The following TANGO6 variants were observed in gnomAD, a reference collection of about 807,000 sequenced individuals.
The protein encoded by TANGO6 is transport and golgi organization 6 homolog.
A neutral mutation model predicts 114.2 loss-of-function variants in TANGO6; 90 were observed. The observed-to-expected ratio is 0.79, with a 90% CI of 0.66 to 0.94. The LOEUF is 0.94. Among genes scored for constraint, TANGO6 ranks in the 40% least tolerant of loss-of-function variants. TANGO6 has a pLI of 0.00. For missense variants in TANGO6, 1,274 were observed against 1,315.3 expected, an observed-to-expected ratio of 0.97 and a Z score of 0.49; for synonymous variants, 477 against 509.8, an observed-to-expected ratio of 0.94 and a Z score of 0.87.
chr16:68,942,741 A>G (rs1963367621), intron 14 of TANGO6, among the ~76,000 whole-genome samples: 1 of 152,226 alleles, frequency 6.6e-6, no homozygotes, highest in African/African-American at 2.4e-5. Context: ...GGAGCTGATG[A>G]CAAAGTTGAA....
At chr16:68,911,213 A>G (rs535303219) in intron 11 of TANGO6, among the ~76,000 whole-genome samples, 13 of 151,870 alleles carry the variant, frequency 8.6e-5, no homozygotes, top group African/African-American at 2.4e-4. Flanking sequence ...CAGCCTCCCA[A>G]GTAGCTGAGA....
chr16:68,944,140 A>G (rs1963388827), intron 14 of TANGO6, among the ~76,000 whole-genome samples: 1 of 152,194 alleles, frequency 6.6e-6, no homozygotes. Flanking sequence ...AGAACAACAG[A>G]CTGCATGATC....
intron 6 of TANGO6, among the ~76,000 whole-genome samples, chr16:68,879,555 A>T (rs527973521): frequency 6.6e-6 from 1 of 152,026 alleles, no homozygotes; most frequent in East Asian, 1.9e-4. Flanking sequence ...TATTATAGAG[A>T]TTATATAATG....
At position 69,083,792 on chromosome 16, in the gene TANGO6, T is replaced by C; in HGVS notation, c.*131T>C. On this transcript the variant is annotated 3_prime_UTR_variant, in exon 18 of 18. Coordinates refer to ENST00000261778, the MANE Select transcript of TANGO6 (RefSeq NM_024562.2). ...GCTGACCCTCGGGGTGGTTTTATGG[T>C]GCAGGTCACTTGGGTCTTCAGGGTC... 1 of 1,022,066 alleles carries C rather than the reference T, an allele frequency of 9.8e-7. No individual in the cohort carries two copies. The highest frequency in any genetic ancestry group is 1.4e-6 in the Non-Finnish European group (1 of 718,094). The allele number at this position is 1,022,066 out of a possible 1,614,324, so 63.3% of individuals were successfully genotyped here. A position where few individuals can be genotyped will look rare whatever the true frequency, so the allele number is the denominator to read the frequency against.
chr16:68,940,138 TTTTTA>T lies in TANGO6; in HGVS notation c.2701+9848_2701+9852del, dbSNP rs57028605. Among the ~76,000 whole-genome samples, 924 of 151,596 alleles carry T rather than the reference TTTTTA, an allele frequency of 6.1e-3. 5 individuals are homozygous for T. The highest frequency in any genetic ancestry group is 0.019 in the African/African-American group (778 of 41,266). ...TTCTTTCTTTTCTTTCTTTCCTTTCTTTTTATTTTGTTTTTCCTTCCTTCCTTTCT... is the reference window on the plus strand; with the variant it reads ...TTCTTTCTTTTCTTTCTTTCCTTTCTTTTTGTTTTTCCTTCCTTCCTTTCT... On this transcript the variant is annotated intron_variant, in intron 14 of 17. Transcript: ENST00000261778.
chr16:68,849,985 T>TC (rs1468157624), intron 1 of TANGO6, among the ~76,000 whole-genome samples: 1 of 149,306 alleles, frequency 6.7e-6, no homozygotes, highest in East Asian at 1.9e-4. Flanking sequence ...TTTTTTTTTT[T>TC]TTTTTTGAGA....
In TANGO6 at chr16:69,059,121, CTGGAGTGCAT is replaced by C. The variant is rs1036809458; in HGVS notation, c.3108+18704_3108+18713del. On this transcript the variant is annotated intron_variant, in intron 17 of 17. Coordinates refer to ENST00000261778, the MANE Select transcript of TANGO6 (RefSeq NM_024562.2). ...ACGGAGTCTTGCTCTGTTGCCCAGG[CTGGAGTGCAT>C]TGGCGCTATCATGGCTCACTACAAC... Among the ~76,000 whole-genome samples the C allele has an allele frequency of 8.6e-5, 13 of 150,732 alleles. No individual in the cohort carries two copies. The Admixed American group carries it at 8.7e-4, about 10-fold the overall frequency.
intron 14 of TANGO6, among the ~76,000 whole-genome samples, chr16:68,963,749 G>A (rs559674280): frequency 3.3e-5 from 5 of 152,318 alleles, no homozygotes; most frequent in African/African-American, 7.2e-5. Context: ...TAGTGCAGTC[G>A]TCAGCCTTCC....
chr16:68,918,566 T>C (rs1963043176), intron 11 of TANGO6, among the ~76,000 whole-genome samples: 1 of 152,244 alleles, frequency 6.6e-6, no homozygotes, highest in Non-Finnish European at 1.5e-5. Context: ...GCAAAATTCA[T>C]GAAAAGTTAA....
chr16:68,949,183 TC>T (rs1367975899), intron 14 of TANGO6, among the ~76,000 whole-genome samples: 1 of 152,018 alleles, frequency 6.6e-6, no homozygotes, highest in Non-Finnish European at 1.5e-5. Flanking sequence ...TGAAACTCCG[TC>T]TCAAAAAGAA....
chr16:68,958,483 C>CT (rs1422091416), intron 14 of TANGO6, among the ~76,000 whole-genome samples: 9 of 112,240 alleles, frequency 8.0e-5, no homozygotes, highest in Non-Finnish European at 1.5e-4. Context: ...GAGCGAAACT[C>CT]TGTCTCAAAA....
At chr16:68,868,427 T>G (rs1962213104) in intron 4 of TANGO6, among the ~76,000 whole-genome samples, 1 of 151,896 alleles carries the variant, frequency 6.6e-6, no homozygotes, top group East Asian at 1.9e-4. Flanking sequence ...CCATTTCCCA[T>G]TTCTAGAAGC....
chr16:69,008,931 C>T (rs745863576), intron 15 of TANGO6, among the ~76,000 whole-genome samples: 21 of 151,752 alleles, frequency 1.4e-4, no homozygotes, highest in African/African-American at 2.2e-4. Context: ...TGTGAGCCAC[C>T]GAGCCCGGCT....
intron 14 of TANGO6, among the ~76,000 whole-genome samples, chr16:68,935,825 A>T (rs113275435): frequency 2.6e-5 from 4 of 152,306 alleles, no homozygotes; most frequent in African/African-American, 9.6e-5. Context: ...AAATTTCAAC[A>T]AGAATGAAGT....
intron 14 of TANGO6, among the ~76,000 whole-genome samples, chr16:68,944,187 A>T (rs1335140738): frequency 6.6e-6 from 1 of 152,208 alleles, no homozygotes; most frequent in Non-Finnish European, 1.5e-5. Flanking sequence ...CTGGAATCTC[A>T]AAATATATCT....
At chr16:68,859,752 G>A in intron 1 of TANGO6, 132 bp from the exon 2 acceptor site, 1 of 1,035,132 alleles carries the variant, frequency 9.7e-7, no homozygotes, top group Non-Finnish European at 1.4e-6. Context: ...TACCCCTGGG[G>A]GAGGCTTTCC....
chr16:69,017,169 A>G (rs1959314401), intron 15 of TANGO6, among the ~76,000 whole-genome samples: 2 of 152,144 alleles, frequency 1.3e-5, no homozygotes, highest in South Asian at 2.1e-4. Flanking sequence ...CAGATCAAAC[A>G]TTACTCATAA....
chr16:69,019,784 C>T (rs894999315), intron 15 of TANGO6, among the ~76,000 whole-genome samples: 1 of 152,146 alleles, frequency 6.6e-6, no homozygotes, highest in Non-Finnish European at 1.5e-5. Flanking sequence ...GCAATCCTCC[C>T]GCCTCAGCCT....
chr16:68,877,092 C>T (rs536327314), intron 5 of TANGO6, among the ~76,000 whole-genome samples: 1 of 152,080 alleles, frequency 6.6e-6, no homozygotes, highest in African/African-American at 2.4e-5. Context: ...AATTTTTGAT[C>T]GATATGCTTT....
Sources: allele counts gnomAD v4.1 joint callset (sites outside exome capture counted in the v4.1 genomes callset), GRCh38; gene constraint gnomAD v4.1.1; transcripts MANE v1.5; gene names NCBI Gene and HGNC (gene_info 2026-07-23, HGNC 2026-07-21).